The following SLC25A21 variants were observed in gnomAD, a reference collection of about 807,000 sequenced individuals.
SLC25A21 encodes the protein solute carrier family 25 member 21, also known as mitochondrial 2-oxodicarboxylate carrier.
Under a neutral mutation model 43.8 loss-of-function variants are expected in SLC25A21, and 47 were observed. That is an observed-to-expected ratio of 1.07 (90% CI 0.85 to 1.37). The LOEUF (loss-of-function observed/expected upper bound fraction) is 1.37, where lower values mean the gene tolerates loss of function less well. Among genes scored for constraint, SLC25A21 ranks in the 40% most tolerant of loss-of-function variants. SLC25A21 has a pLI of 0.00. For synonymous variants in SLC25A21, 131 were observed against 121.3 expected, an observed-to-expected ratio of 1.08 and a Z score of -0.52; for missense variants, 352 against 350.2, an observed-to-expected ratio of 1.00 and a Z score of -0.04.
rs146227376 is a variant in SLC25A21, at chr14:36,808,024, T to G, written c.203+5894A>C. The stretch of plus-strand genomic sequence containing the variant: ...AGTGGTCTGATTGTAAGATGATACC[T>G]GGGGCAGCATCAGTGGTTACAGAAA... On this transcript the variant is annotated intron_variant, in intron 3 of 9. Transcript: ENST00000331299. 1.2e-4 allele frequency among the ~76,000 whole-genome samples: 19 copies of G among 152,326 alleles called. No individual in the cohort carries two copies. The East Asian group carries it at 3.7e-3, about 29-fold the overall frequency.
intron 1 of SLC25A21, among the ~76,000 whole-genome samples, chr14:36,953,979 A>T (rs1959259066): frequency 1.3e-5 from 2 of 152,200 alleles, no homozygotes; most frequent in Admixed American, 6.5e-5. Context: ...TTTCAATAAC[A>T]TTCTGACTTT....
chr14:36,754,573 A>C (rs1325531), intron 3 of SLC25A21, among the ~76,000 whole-genome samples: 59,106 of 151,938 alleles, frequency 0.39, 11,780 homozygotes, highest in South Asian at 0.53. Context: ...CATAGTTAAG[A>C]AGTAATTGAT....
At chr14:36,893,287 C>T (rs1891134497) in intron 1 of SLC25A21, among the ~76,000 whole-genome samples, 1 of 152,188 alleles carries the variant, frequency 6.6e-6, no homozygotes, top group Admixed American at 6.5e-5. Context: ...ATTTGTATTT[C>T]TCTGATGGCC....
At chr14:36,700,786 AG>A (rs1280292128) in intron 7 of SLC25A21, among the ~76,000 whole-genome samples, 6 of 152,246 alleles carry the variant, frequency 3.9e-5, no homozygotes, top group African/African-American at 1.4e-4. Flanking sequence ...TAATAAACAA[AG>A]AACCAAGGTT....
intron 2 of SLC25A21, among the ~76,000 whole-genome samples, chr14:36,842,256 G>A (rs1273870575): frequency 6.6e-6 from 1 of 151,892 alleles, no homozygotes; most frequent in East Asian, 1.9e-4. Flanking sequence ...ATTTTACCTG[G>A]GGCAATGATA....
At chr14:36,800,732 T>A (rs1594599721) in intron 3 of SLC25A21, among the ~76,000 whole-genome samples, 2 of 152,136 alleles carry the variant, frequency 1.3e-5, no homozygotes, top group South Asian at 4.1e-4. Flanking sequence ...AAAAGGTAAA[T>A]TTTATGTTAT....
At chr14:36,792,700 T>C (rs2138403400) in intron 3 of SLC25A21, among the ~76,000 whole-genome samples, 1 of 152,294 alleles carries the variant, frequency 6.6e-6, no homozygotes, top group Middle Eastern at 3.4e-3. Flanking sequence ...TCCATGAATT[T>C]TGGTATTTAA....
At chr14:37,123,698 T>A (rs2138895149) in intron 1 of SLC25A21, among the ~76,000 whole-genome samples, 1 of 152,222 alleles carries the variant, frequency 6.6e-6, no homozygotes, top group East Asian at 1.9e-4. Context: ...GACAATCCTA[T>A]AAATGGGATT....
intron 1 of SLC25A21, among the ~76,000 whole-genome samples, chr14:36,963,433 G>C (rs1959542423): frequency 6.6e-6 from 1 of 152,088 alleles, no homozygotes; most frequent in African/African-American, 2.4e-5. Flanking sequence ...TAAAATAATA[G>C]ATTATTCATG....
chr14:36,777,335 C>T (rs1886875288), intron 3 of SLC25A21, among the ~76,000 whole-genome samples: 1 of 152,024 alleles, frequency 6.6e-6, no homozygotes, highest in Admixed American at 6.5e-5. Flanking sequence ...AACAAACAAA[C>T]AAAAACAACA....
At chr14:36,880,924 G>A (rs990455255) in intron 1 of SLC25A21, among the ~76,000 whole-genome samples, 4 of 152,322 alleles carry the variant, frequency 2.6e-5, no homozygotes, top group Non-Finnish European at 4.4e-5. Context: ...GGAGAACACA[G>A]CCTGACGCTG....
chr14:37,137,287 G>A (rs570798111), intron 1 of SLC25A21, among the ~76,000 whole-genome samples: 8 of 152,136 alleles, frequency 5.3e-5, no homozygotes, highest in East Asian at 1.9e-4. Flanking sequence ...GTGAGCCACC[G>A]CGCCCAGCTG....
chr14:36,846,921 A>C (rs1889562884), intron 2 of SLC25A21, among the ~76,000 whole-genome samples: 1 of 152,116 alleles, frequency 6.6e-6, no homozygotes, highest in South Asian at 2.1e-4. Flanking sequence ...ACACTCAAAA[A>C]ACTTCCAAAA....
chr14:37,056,619 T>A (rs2138805976), intron 1 of SLC25A21, among the ~76,000 whole-genome samples: 1 of 151,962 alleles, frequency 6.6e-6, no homozygotes, highest in South Asian at 2.1e-4. Context: ...TGACTCACAC[T>A]CTTTCCCAGC....
At chr14:36,976,888 G>A (rs901423683) in intron 1 of SLC25A21, among the ~76,000 whole-genome samples, 2 of 152,192 alleles carry the variant, frequency 1.3e-5, no homozygotes, top group Non-Finnish European at 2.9e-5. Context: ...CCACTTGGCT[G>A]GACACAAGTC....
chr14:37,112,272 A>G (rs1011465820), intron 1 of SLC25A21, among the ~76,000 whole-genome samples: 1 of 152,180 alleles, frequency 6.6e-6, no homozygotes, highest in Admixed American at 6.6e-5. Context: ...CCTTTGTAGG[A>G]CACGGACCAC....
intron 7 of SLC25A21, among the ~76,000 whole-genome samples, chr14:36,695,034 GGTTTTAGTTCTAACAT>G (rs1882955844): frequency 6.6e-6 from 1 of 152,040 alleles, no homozygotes; most frequent in Non-Finnish European, 1.5e-5. Flanking sequence ...GGGTTTTTAT[GGTTTTAGTTCTAACAT>G]GTAAGTCTTT....
chr14:36,850,108 C>T (rs1396860009), intron 2 of SLC25A21, among the ~76,000 whole-genome samples: 1 of 151,922 alleles, frequency 6.6e-6, no homozygotes, highest in African/African-American at 2.4e-5. Flanking sequence ...TAGTAGCATC[C>T]CTTCCAGAGG....
intron 2 of SLC25A21, among the ~76,000 whole-genome samples, chr14:36,844,373 C>T (rs1350173324): frequency 6.6e-6 from 1 of 152,220 alleles, no homozygotes; most frequent in African/African-American, 2.4e-5. Flanking sequence ...TTCCCTTCCC[C>T]TGCCCTTGCT....
Sources: gnomAD v4.1 joint callset for allele counts (sites outside exome capture counted in the v4.1 genomes callset) on GRCh38, gnomAD v4.1.1 for gene constraint, MANE v1.5 for transcripts, NCBI Gene and HGNC (gene_info 2026-07-23, HGNC 2026-07-21) for gene names.